The following PRKAB1 variants were observed in gnomAD, a reference collection of about 807,000 sequenced individuals.
PRKAB1 encodes the protein protein kinase AMP-activated non-catalytic subunit beta 1.
In PRKAB1, 18 loss-of-function variants were observed where a neutral mutation model predicts 32.0. The ratio of observed to expected loss-of-function variants is 0.56; its 90% confidence interval spans 0.39 to 0.83. The LOEUF (loss-of-function observed/expected upper bound fraction) is 0.83, where lower values mean the gene tolerates loss of function less well. Among genes scored for constraint, PRKAB1 ranks in the 40% least tolerant of loss-of-function variants. The pLI is 0.00. For missense variants in PRKAB1, 263 were observed against 352.6 expected, an observed-to-expected ratio of 0.75 and a Z score of 2.03; for synonymous variants, 141 against 141.4, an observed-to-expected ratio of 1.00 and a Z score of 0.02.
At chr12:119,678,944 T>C (rs1177031570) in intron 5 of PRKAB1, 1 of 152,226 alleles carries the variant, frequency 6.6e-6, no homozygotes, top group Non-Finnish European at 1.5e-5. Context: ...TTTTCCATAA[T>C]GGTTGTACTA....
chr12:119,669,249 C>T (rs1026707683), intron 1 of PRKAB1, among the ~76,000 whole-genome samples: 2 of 150,370 alleles, frequency 1.3e-5, no homozygotes, highest in African/African-American at 4.9e-5. Flanking sequence ...GCGTGAGCTA[C>T]GGTGCTGGCC....
Position 119,679,990 on chromosome 12 carries a change from C to T in PRKAB1, c.724C>T (p.Leu242=). Residue 242 remains leucine (L), a synonymous_variant, in exon 6 of 7, where the codon CTG becomes TTG. Coordinates refer to ENST00000229328, the MANE Select transcript of PRKAB1 (RefSeq NM_006253.5). This position sits in a 1 kb window ranked among gnomAD's most constrained non-coding sequence, Gnocchi z 4.1. The part of the protein sequence containing the change: ...NHVMLNHLYA[L]SIKDGVMVLS... ...CGTCATGCTGAACCACCTATACGCG[C>T]TGTCTATCAAGGTAATGACATGTCT... The T allele has an allele frequency of 1.9e-6, 3 of 1,613,482 alleles. No individual in the cohort carries two copies. The highest frequency in any genetic ancestry group is 2.5e-6 in the Non-Finnish European group (3 of 1,179,378).
intron 1 of PRKAB1, chr12:119,671,625 G>A (rs1955389652): frequency 3.7e-6 from 1 of 271,178 alleles, no homozygotes; most frequent in African/African-American, 2.2e-5. Context: ...CCTCCACCTG[G>A]TCCTGCCCTT....
chr12:119,680,046 T>C (rs1210595579), intron 6 of PRKAB1, 45 bp downstream of exon 6: 6 of 1,583,502 alleles, frequency 3.8e-6, no homozygotes, highest in Non-Finnish European at 5.2e-6. Context: ...GCCCAGTGTG[T>C]GCTCTGAGGA....
chr12:119,680,252 G>A lies in PRKAB1; in HGVS notation c.740G>A (p.Gly247Glu). ...CATTTCCACCTTGTTCCTTAGGATG[G>A]AGTGATGGTGCTCAGCGCAACCCAC... ...NHLYALSIKD[G>E]VMVLSATHRY... Residue 247 changes from glycine (G) to glutamate (E), a missense_variant, in exon 7 of 7, where the codon GGA (glycine) becomes GAA (glutamate). Coordinates refer to ENST00000229328, the MANE Select transcript of PRKAB1 (RefSeq NM_006253.5). 1 of 1,613,942 alleles carries A rather than the reference G, an allele frequency of 6.2e-7. No individual in the cohort carries two copies. Among genetic ancestry groups the A allele is most frequent in the Non-Finnish European group, 8.5e-7 (1 of 1,179,844 alleles).
Position 119,673,018 on chromosome 12 carries a change from T to C in PRKAB1, c.323+554T>C, listed in dbSNP as rs752975693. 7.2e-4 allele frequency among the ~76,000 whole-genome samples: 110 copies of C among 152,122 alleles called. 1 individual carries two copies. The highest frequency in any genetic ancestry group is 2.3e-3 in the Admixed American group (35 of 15,270). ...CTGAGGCAGGAGGATTGCTTGAGGC[T>C]AGGAGTTCAAGACCAGCCTGGGCAA... On this transcript the variant is annotated intron_variant, in intron 2 of 6. Transcript: ENST00000229328.
In PRKAB1 at chr12:119,674,213, A is replaced by T; in HGVS notation, c.418-127A>T. 9.8e-7 allele frequency: 1 copy of T among 1,022,940 alleles called. No individual in the cohort carries two copies. Among genetic ancestry groups the T allele is most frequent in the African/African-American group, 1.6e-5 (1 of 62,582 alleles). The allele number at this position is 1,022,940 out of a possible 1,614,324, so 63.4% of individuals were successfully genotyped here. A position where few individuals can be genotyped will look rare whatever the true frequency, so the allele number is the denominator to read the frequency against. ...GCACTACCTGTCAGACAGTTGGCATACTTGACCAAGATGAGCAGGGTGGCT... is the reference window on the plus strand; with the variant it reads ...GCACTACCTGTCAGACAGTTGGCATTCTTGACCAAGATGAGCAGGGTGGCT... On this transcript the variant is annotated intron_variant, in intron 3 of 6. Coordinates refer to ENST00000229328, the MANE Select transcript of PRKAB1 (RefSeq NM_006253.5). The surrounding 1 kb of genome is among the most constrained non-coding windows in gnomAD (Gnocchi z 4.3).
chr12:119,668,848 G>T (rs1955361280), intron 1 of PRKAB1, among the ~76,000 whole-genome samples: 1 of 152,204 alleles, frequency 6.6e-6, no homozygotes, highest in South Asian at 2.1e-4. Flanking sequence ...AGGCAAACCA[G>T]GTACATATAC....
rs568377821 is a variant in PRKAB1, at chr12:119,679,988, C to A, written c.722C>A (p.Ala241Glu). Residue 241 changes from alanine to glutamate, a missense_variant, in exon 6 of 7, where the codon GCG becomes GAG. Transcript: ENST00000229328. This position sits in a 1 kb window ranked among gnomAD's most constrained non-coding sequence, Gnocchi z 4.1. ...CACGTCATGCTGAACCACCTATACG[C>A]GCTGTCTATCAAGGTAATGACATGT... is the stretch of plus-strand genomic sequence containing the variant. ...PNHVMLNHLY[A>E]LSIKDGVMVL... 3.1e-6 allele frequency: 5 copies of A among 1,613,464 alleles called. No individual in the cohort carries two copies. Among genetic ancestry groups the A allele is most frequent in the Non-Finnish European group, 4.2e-6 (5 of 1,179,386 alleles).
chr12:119,670,920 G>T (rs972682270), intron 1 of PRKAB1, among the ~76,000 whole-genome samples: 4 of 152,222 alleles, frequency 2.6e-5, no homozygotes, highest in Non-Finnish European at 5.9e-5. Context: ...GGTGCTAGAA[G>T]CCTGCTTAAC....
In PRKAB1 at chr12:119,674,521, G is replaced by A. The variant is rs1279910070; in HGVS notation, c.532+67G>A. 5 of 1,190,822 alleles carry A rather than the reference G, an allele frequency of 4.2e-6. No homozygotes were observed. The highest frequency in any genetic ancestry group is 6.0e-6 in the Non-Finnish European group (5 of 828,866). The allele number at this position is 1,190,822 out of a possible 1,614,324, so 73.8% of individuals were successfully genotyped here. A position where few individuals can be genotyped will look rare whatever the true frequency, so the allele number is the denominator to read the frequency against. On this transcript the variant is annotated intron_variant, in intron 4 of 6. Transcript: ENST00000229328. This position sits in a 1 kb window ranked among gnomAD's most constrained non-coding sequence, Gnocchi z 4.3. Reference sequence around the variant, plus strand: ...GGCTGTACAGTCTAGACATACTCTTGTTTCTCTTGCCTCTCTTGAGCTGAA... The same window carrying A: ...GGCTGTACAGTCTAGACATACTCTTATTTCTCTTGCCTCTCTTGAGCTGAA...
intron 1 of PRKAB1, chr12:119,669,455 G>A (rs1955369305): frequency 6.7e-6 from 1 of 149,438 alleles, no homozygotes; most frequent in South Asian, 2.1e-4. Flanking sequence ...TTTTAGTAGA[G>A]ACGGGGTTTC....
chr12:119,674,552 C>A lies in PRKAB1; in HGVS notation c.532+98C>A. On this transcript the variant is annotated intron_variant, in intron 4 of 6. Coordinates refer to ENST00000229328, the MANE Select transcript of PRKAB1 (RefSeq NM_006253.5). This position sits in a 1 kb window ranked among gnomAD's most constrained non-coding sequence, Gnocchi z 4.3. The stretch of plus-strand genomic sequence containing the variant: ...CTTGCCTCTCTTGAGCTGAAGCTGC[C>A]CAGTCAGATAGGCATTTATAGCCCC... 2.3e-6 allele frequency: 2 copies of A among 851,852 alleles called. No homozygotes were observed. 52.8% of individuals were successfully genotyped at this position (851,852 alleles called of 1,614,324 possible). A position where few individuals can be genotyped will look rare whatever the true frequency, so the allele number is the denominator to read the frequency against.
At chr12:119,668,980 G>T (rs991199748) in intron 1 of PRKAB1, among the ~76,000 whole-genome samples, 1 of 151,958 alleles carries the variant, frequency 6.6e-6, no homozygotes, top group African/African-American at 2.4e-5. Flanking sequence ...AGCCGGGCGT[G>T]GTGGCGGGCG....
At chr12:119,668,071 C>T (rs1049991491), upstream of PRKAB1, 1 of 780,338 alleles carries the variant, frequency 1.3e-6, no homozygotes, top group Non-Finnish European at 1.9e-6. Flanking sequence ...GAGAGCTCGG[C>T]AACCCTGCCG....
Position 119,672,359 on chromosome 12 carries a change from C to A in PRKAB1, c.218C>A (p.Ala73Asp). Residue 73 changes from alanine to aspartate, a missense_variant, in exon 2 of 7, where the codon GCT becomes GAT. Ala to Asp is a moderately radical substitution (Grantham distance 126, BLOSUM62 -2). Transcript: ENST00000229328. ...WQHDLEVNDK[A>D]PAQARPTVFR... ...CATGATCTGGAAGTGAATGATAAAG[C>A]TCCCGCCCAGGCTCGGCCAACGGTG... 1 of 1,613,190 alleles carries A rather than the reference C, an allele frequency of 6.2e-7. No homozygotes were observed. The highest frequency in any genetic ancestry group is 1.1e-5 in the South Asian group (1 of 90,816).
chr12:119,678,658 T>G (rs1955444167), intron 5 of PRKAB1: 1 of 152,276 alleles, frequency 6.6e-6, no homozygotes, highest in Non-Finnish European at 1.5e-5. Flanking sequence ...CTTAATGTCC[T>G]CCAGGTTTAT....
At chr12:119,667,966 C>T, upstream of PRKAB1, 1 of 430,236 alleles carries the variant, frequency 2.3e-6, no homozygotes, top group South Asian at 3.5e-5. Context: ...GCGGAAGTCG[C>T]TGAGGGGTGG....
Position 119,679,267 on chromosome 12 carries a change from G to C in PRKAB1, c.667-666G>C, listed in dbSNP as rs1955447720. The C allele has an allele frequency of 6.6e-6, 1 of 152,380 alleles. No individual in the cohort carries two copies. The allele number at this position is 152,380 out of a possible 1,614,324, so 9.4% of individuals were successfully genotyped here. A position where few individuals can be genotyped will look rare whatever the true frequency, so the allele number is the denominator to read the frequency against. ...AGCAGCCACCCTGAATGGCCTCCCA[G>C]CGGGAGCTTGCTGAGTATTTGTTGA... On this transcript the variant is annotated intron_variant, in intron 5 of 6. Coordinates refer to ENST00000229328, the MANE Select transcript of PRKAB1 (RefSeq NM_006253.5). This position sits in a 1 kb window ranked among gnomAD's most constrained non-coding sequence, Gnocchi z 4.1.
Sources: gnomAD v4.1 joint callset for allele counts (sites outside exome capture counted in the v4.1 genomes callset) on GRCh38, gnomAD v4.1.1 for gene constraint, Gnocchi (gnomAD v3.1) non-coding constraint, MANE v1.5 for transcripts, NCBI Gene and HGNC (gene_info 2026-07-23, HGNC 2026-07-21) for gene names.